Variants in SOX6 observed in about 807,000 individuals in gnomAD.
SOX6 encodes SRY-box transcription factor 6, also known as transcription factor SOX-6.
SOX6 carries 11 observed loss-of-function variants against 97.8 expected under a neutral mutation model. The observed-to-expected ratio is 0.11, with a 90% CI of 0.07 to 0.19. SOX6 has a LOEUF of 0.19. Ranked by LOEUF, SOX6 falls within the 10% of genes least tolerant of loss-of-function variation. SOX6 has a pLI of 1.00. For missense variants in SOX6, 810 were observed against 1,039.5 expected (o/e 0.78, Z 3.04); for synonymous variants, 360 against 371.4 (o/e 0.97, Z 0.35).
At chr11:16,192,437 T>C (rs1019728279) in intron 4 of SOX6, among the ~76,000 whole-genome samples, 5 of 152,164 alleles carry the variant, frequency 3.3e-5, no homozygotes, top group African/African-American at 9.7e-5. Context: ...TGAGTCTCAA[T>C]AGGAAGTCAA....
chr11:16,284,885 T>C (rs1303489031), intron 3 of SOX6, among the ~76,000 whole-genome samples: 1 of 152,150 alleles, frequency 6.6e-6, no homozygotes, highest in African/African-American at 2.4e-5. Flanking sequence ...TGAATGATTT[T>C]TCAGTAATAA....
intron 13 of SOX6, among the ~76,000 whole-genome samples, chr11:16,008,610 CCCCATCAGGA>C (rs1854625047): frequency 6.6e-6 from 1 of 152,040 alleles, no homozygotes; most frequent in Non-Finnish European, 1.5e-5. Context: ...CACTATCTTG[CCCCATCAGGA>C]CTATACATCA....
intron 4 of SOX6, among the ~76,000 whole-genome samples, chr11:16,536,528 C>T (rs190970401): frequency 1.3e-5 from 2 of 152,264 alleles, no homozygotes; most frequent in African/African-American, 2.4e-5. Context: ...CACAAGGGGT[C>T]GGGGATCTCC....
At chr11:16,494,909 G>A (rs574138264) in intron 4 of SOX6, among the ~76,000 whole-genome samples, 1 of 152,260 alleles carries the variant, frequency 6.6e-6, no homozygotes, top group Non-Finnish European at 1.5e-5. Flanking sequence ...CCAAGAGGGA[G>A]CTCACATTGG....
intron 2 of SOX6, among the ~76,000 whole-genome samples, chr11:16,716,798 G>A (rs1848222657): frequency 1.8e-5 from 2 of 108,876 alleles, no homozygotes. Context: ...TGTAAAGGAA[G>A]TTAGATATAA....
At chr11:16,684,264 A>G (rs904727480) in intron 3 of SOX6, among the ~76,000 whole-genome samples, 1 of 152,224 alleles carries the variant, frequency 6.6e-6, no homozygotes, top group Non-Finnish European at 1.5e-5. Flanking sequence ...TCATGCTACT[A>G]TAAAGACACA....
intron 3 of SOX6, among the ~76,000 whole-genome samples, chr11:16,693,768 G>A (rs1410003356): frequency 6.6e-6 from 1 of 151,958 alleles, no homozygotes; most frequent in Non-Finnish European, 1.5e-5. Context: ...CATCATTAAG[G>A]AGCCAAAAAC....
At chr11:16,171,636 C>G (rs1851041726) in intron 6 of SOX6, among the ~76,000 whole-genome samples, 1 of 151,320 alleles carries the variant, frequency 6.6e-6, no homozygotes, top group African/African-American at 2.4e-5. Context: ...ATTAAATAAC[C>G]CTTGAAAAAA....
intron 2 of SOX6, among the ~76,000 whole-genome samples, chr11:16,327,186 T>C (rs954379659): frequency 1.3e-5 from 2 of 152,148 alleles, no homozygotes; most frequent in African/African-American, 2.4e-5. Flanking sequence ...GAATGGGAAT[T>C]AGACTCTGCA....
chr11:16,280,719 G>A (rs938607648), intron 3 of SOX6, among the ~76,000 whole-genome samples: 2 of 152,052 alleles, frequency 1.3e-5, no homozygotes, highest in African/African-American at 4.8e-5. Flanking sequence ...TAGTTAAAGA[G>A]AATCGTATTA....
At chr11:16,612,907 C>T (rs1212186170) in intron 3 of SOX6, among the ~76,000 whole-genome samples, 4 of 152,178 alleles carry the variant, frequency 2.6e-5, no homozygotes, top group African/African-American at 7.2e-5. Flanking sequence ...GCCATCCCCA[C>T]GCACCCTGCC....
intron 4 of SOX6, among the ~76,000 whole-genome samples, chr11:16,485,959 AGGGGAGGGGAGGGGAGG>A (rs1860424018): frequency 4.5e-4 from 1 of 2,202 alleles, no homozygotes; most frequent in Non-Finnish European, 6.8e-4. Flanking sequence ...AGGGGAGGGG[AGGGGAGGGGAGGGGAGG>A]GGAGGGGAGG....
chr11:16,567,556 T>G (rs1490053941), intron 4 of SOX6, among the ~76,000 whole-genome samples: 2 of 142,176 alleles, frequency 1.4e-5, no homozygotes, highest in African/African-American at 5.1e-5. Flanking sequence ...ATGTCATATT[T>G]TTTTCTTTTT....
intron 3 of SOX6, among the ~76,000 whole-genome samples, chr11:16,640,877 AT>A (rs758090799): frequency 6.6e-6 from 1 of 152,120 alleles, no homozygotes; most frequent in Non-Finnish European, 1.5e-5. Context: ...GGATTCATTG[AT>A]TTTTTAAGGG....
intron 4 of SOX6, among the ~76,000 whole-genome samples, chr11:16,494,098 C>T (rs1397386534): frequency 6.6e-6 from 1 of 152,090 alleles, no homozygotes; most frequent in Non-Finnish European, 1.5e-5. Flanking sequence ...AATGAGAGGC[C>T]AGGCACTGTG....
At chr11:16,189,775 A>G (rs1412856453) in intron 4 of SOX6, among the ~76,000 whole-genome samples, 3 of 152,186 alleles carry the variant, frequency 2.0e-5, no homozygotes, top group African/African-American at 4.8e-5. Flanking sequence ...GTGTAATTGT[A>G]TCATAATACC....
At chr11:16,221,216 G>C (rs1052819135) in intron 4 of SOX6, among the ~76,000 whole-genome samples, 1 of 152,006 alleles carries the variant, frequency 6.6e-6, no homozygotes, top group Non-Finnish European at 1.5e-5. Flanking sequence ...AAATAAAATA[G>C]TGAGTAAAAC....
At chr11:16,088,310 C>T (rs1296929634) in intron 9 of SOX6, among the ~76,000 whole-genome samples, 1 of 152,060 alleles carries the variant, frequency 6.6e-6, no homozygotes, top group Non-Finnish European at 1.5e-5. Context: ...CACCTAAAGT[C>T]CAGAGTTTAC....
At chr11:16,196,598 T>C (rs986943783) in intron 4 of SOX6, among the ~76,000 whole-genome samples, 27 of 152,148 alleles carry the variant, frequency 1.8e-4, no homozygotes, top group Non-Finnish European at 8.8e-5. Context: ...AAGTCACAAA[T>C]ATCCAACACA....
Sources: gnomAD v4.1 joint callset for allele counts (sites outside exome capture counted in the v4.1 genomes callset) on GRCh38, gnomAD v4.1.1 for gene constraint, MANE v1.5 for transcripts, NCBI Gene and HGNC (gene_info 2026-07-23, HGNC 2026-07-21) for gene names.